The following CBX6 variants were observed in gnomAD, a reference collection of about 807,000 sequenced individuals.
CBX6 encodes the protein chromobox 6, also known as chromobox protein homolog 6.
A neutral mutation model predicts 28.4 loss-of-function variants in CBX6; 7 were observed. That is an observed-to-expected ratio of 0.25 (90% CI 0.14 to 0.46). The LOEUF (loss-of-function observed/expected upper bound fraction) is 0.46. CBX6 is among the 20% of genes least tolerant of loss of function. CBX6 has a pLI of 0.99. For missense variants in CBX6, 512 were observed against 606.1 expected, an observed-to-expected ratio of 0.84 and a Z score of 1.63; for synonymous variants, 297 against 273.4, an observed-to-expected ratio of 1.09 and a Z score of -0.85.
chr22:38,864,249 T>C lies in CBX6; in HGVS notation c.*1960A>G, dbSNP rs1057067624. 1 of 152,172 alleles carries C rather than the reference T, an allele frequency of 6.6e-6. No homozygotes were observed. The highest frequency in any genetic ancestry group is 2.4e-5 in the African/African-American group (1 of 41,440). The allele number at this position is 152,172 out of a possible 1,614,324, so 9.4% of individuals were successfully genotyped here. On this transcript the variant is annotated 3_prime_UTR_variant, in exon 5 of 5. Coordinates refer to ENST00000407418, the MANE Select transcript of CBX6 (RefSeq NM_014292.5). ...TTTTTTTTTTCCTCTTTTTTTGTTT[T>C]TGTTTTTTTGCAAAACTAATTCTTT... is the stretch of plus-strand genomic sequence containing the variant.
At position 38,862,527 on chromosome 22, in the gene CBX6, AAAAAAAAAAAAAAAAAAAG is replaced by A. The variant is rs1275870785; in HGVS notation, c.*3663_*3681del. On this transcript the variant is annotated 3_prime_UTR_variant, in exon 5 of 5. Transcript: ENST00000407418. ...CTGTGTGGGCGAAGTGCAAAAAAAA[AAAAAAAAAAAAAAAAAAAG>A]AAAGAAAGAAAAAAGAAAAACAAAA... is the stretch of plus-strand genomic sequence containing the variant. The A allele has an allele frequency of 6.8e-6, 1 of 146,440 alleles. No homozygotes were observed. Among genetic ancestry groups the A allele is most frequent in the African/African-American group, 2.5e-5 (1 of 40,300 alleles). The allele number at this position is 146,440 out of a possible 1,614,324, so 9.1% of individuals were successfully genotyped here.
rs774034476 is a variant in CBX6, at chr22:38,870,555, T to C, written c.246+925A>G. The C allele has an allele frequency of 1.3e-5, 2 of 152,222 alleles. No individual in the cohort carries two copies. Among genetic ancestry groups the C allele is most frequent in the Admixed American group, 6.5e-5 (1 of 15,284 alleles). The allele number at this position is 152,222 out of a possible 1,614,324, so 9.4% of individuals were successfully genotyped here. ...CGCTTGAGGGTGGGGGTTATAAAAA[T>C]ATGAAATTCTGGAAACCAACATTTC... On this transcript the variant is annotated intron_variant, in intron 4 of 4. Transcript: ENST00000407418. The surrounding 1 kb of genome is among the most constrained non-coding windows in gnomAD (Gnocchi z 4.3).
rs1808337978 is a variant in CBX6 at position 38,861,811 on chromosome 22, A to G, written c.*4398T>C. 6.6e-6 allele frequency: 1 copy of G among 152,224 alleles called. No individual in the cohort carries two copies. The highest frequency in any genetic ancestry group is 6.5e-5 in the Admixed American group (1 of 15,290). The allele number at this position is 152,224 out of a possible 1,614,324, so 9.4% of individuals were successfully genotyped here. On this transcript the variant is annotated 3_prime_UTR_variant, in exon 5 of 5. Coordinates refer to ENST00000407418, the MANE Select transcript of CBX6 (RefSeq NM_014292.5). ...GGAGCTGGATGGTTGAACCACATAC[A>G]AAGGCAACAACACTTCATTTTAAAA...
At position 38,871,376 on chromosome 22, in the gene CBX6, G is replaced by A. The variant is rs752158396; in HGVS notation, c.246+104C>T. 3.3e-6 allele frequency: 4 copies of A among 1,222,746 alleles called. No homozygotes were observed. Among genetic ancestry groups the A allele is most frequent in the East Asian group, 4.8e-5 (2 of 41,988 alleles). 75.7% of individuals were successfully genotyped at this position (1,222,746 alleles called of 1,614,324 possible). The stretch of plus-strand genomic sequence containing the variant: ...CAGCTGGGGCCCCTCTGAAAAGGCC[G>A]GCCCGCTTGGGCGGCCGCGTATCTG... On this transcript the variant is annotated intron_variant, in intron 4 of 4. Transcript: ENST00000407418. The surrounding 1 kb of genome is among the most constrained non-coding windows in gnomAD (Gnocchi z 5.6).
chr22:38,862,098 A>G lies in CBX6; in HGVS notation c.*4111T>C, dbSNP rs1287871330. ...CGGCCTCCCGCAAGAGGGTTCCCCC[A>G]TGAGACCGTTAGTCTCTCTTTGCCT... On this transcript the variant is annotated 3_prime_UTR_variant, in exon 5 of 5. Transcript: ENST00000407418. The G allele has an allele frequency of 6.6e-6, 1 of 152,264 alleles. No individual in the cohort carries two copies. Among genetic ancestry groups the G allele is most frequent in the Non-Finnish European group, 1.5e-5 (1 of 68,058 alleles). 9.4% of individuals were successfully genotyped at this position (152,264 alleles called of 1,614,324 possible).
intron 4 of CBX6, chr22:38,869,956 C>T (rs1341458174): frequency 6.6e-6 from 1 of 152,268 alleles, no homozygotes; most frequent in Non-Finnish European, 1.5e-5. Context: ...GTGTTCAGCC[C>T]AAGCTAATCT....
Position 38,872,029 on chromosome 22 carries a change from G to T in CBX6, c.70-84C>A. The T allele has an allele frequency of 7.2e-7, 1 of 1,393,552 alleles. No homozygotes were observed. 86.3% of individuals were successfully genotyped at this position (1,393,552 alleles called of 1,614,324 possible). ...GAGGCGGCGGCGCGGGGCTGGGCGA[G>T]GGAGCCGGGCTAGCGGGACCGCTTC... On this transcript the variant is annotated intron_variant, in intron 1 of 4. Coordinates refer to ENST00000407418, the MANE Select transcript of CBX6 (RefSeq NM_014292.5). This position sits in a 1 kb window ranked among gnomAD's most constrained non-coding sequence, Gnocchi z 5.0.
At position 38,871,428 on chromosome 22, in the gene CBX6, GC is replaced by G. The variant is rs1314750166; in HGVS notation, c.246+51del. 1.3e-6 allele frequency: 2 copies of G among 1,530,494 alleles called. No homozygotes were observed. The highest frequency in any genetic ancestry group is 2.8e-5 in the African/African-American group (2 of 72,434). 94.8% of individuals were successfully genotyped at this position (1,530,494 alleles called of 1,614,324 possible). A position where few individuals can be genotyped will look rare whatever the true frequency, so the allele number is the denominator to read the frequency against. On this transcript the variant is annotated intron_variant, in intron 4 of 4. Transcript: ENST00000407418. The surrounding 1 kb of genome is among the most constrained non-coding windows in gnomAD (Gnocchi z 5.6). ...CCCTCCCTTCCAGGCCCCGTGCTGT[GC>G]CGGGGCTGGGGGCCCGAGAGGGGGA... is the stretch of plus-strand genomic sequence containing the variant.
In CBX6 at chr22:38,866,348, T is replaced by C. The variant is rs1053718994; in HGVS notation, c.1100A>G (p.Asn367Ser). The part of the protein sequence containing the change: ...DWRPEMSPCS[N>S]VVVTDVTSNL... ...GCTGGTGACATCGGTGACGACCACA[T>C]TGGAGCAGGGTGACATCTCGGGGCG... The change falls in exon 5 of 5, where the codon AAT becomes AGT. Residue 367 changes from asparagine (N) to serine (S), a missense_variant. Asn to Ser is a conservative substitution (Grantham distance 46). This residue lies in a region of CBX6 where 10 missense variants were observed against 30.9 expected (regional missense o/e 0.32). Coordinates refer to ENST00000407418, the MANE Select transcript of CBX6 (RefSeq NM_014292.5). The surrounding 1 kb of genome is among the most constrained non-coding windows in gnomAD (Gnocchi z 7.5). 4.3e-6 allele frequency: 7 copies of C among 1,613,634 alleles called. No individual in the cohort carries two copies. The Admixed American group carries it at 5.0e-5, about 12-fold the overall frequency.
Position 38,871,271 on chromosome 22 carries a change from CA to C in CBX6, c.246+208del. 2 of 648,606 alleles carry C rather than the reference CA, an allele frequency of 3.1e-6. No homozygotes were observed. The highest frequency in any genetic ancestry group is 5.5e-6 in the Non-Finnish European group (2 of 365,144). 40.2% of individuals were successfully genotyped at this position (648,606 alleles called of 1,614,324 possible). A position where few individuals can be genotyped will look rare whatever the true frequency, so the allele number is the denominator to read the frequency against. ...CAACAGGGAGGATTATCCCCAGTCC[CA>C]AAACCCTCTTGTTGAAGCTGATGCT... is the stretch of plus-strand genomic sequence containing the variant. On this transcript the variant is annotated intron_variant, in intron 4 of 4. Transcript: ENST00000407418. The surrounding 1 kb of genome is among the most constrained non-coding windows in gnomAD (Gnocchi z 5.6).
Position 38,866,735 on chromosome 22 carries a change from G to C in CBX6, c.713C>G (p.Pro238Arg), listed in dbSNP as rs200121092. 2.6e-4 allele frequency: 422 copies of C among 1,596,714 alleles called. 2 individuals carry two copies. The highest frequency in any genetic ancestry group is 8.3e-5 in the Non-Finnish European group (97 of 1,171,808). The change falls in exon 5 of 5, where the codon CCG (proline) becomes CGG (arginine). Residue 238 changes from proline to arginine, a missense_variant. Pro to Arg is a moderately radical substitution (Grantham distance 103, BLOSUM62 -2). Coordinates refer to ENST00000407418, the MANE Select transcript of CBX6 (RefSeq NM_014292.5). This position sits in a 1 kb window ranked among gnomAD's most constrained non-coding sequence, Gnocchi z 7.5. Reference protein sequence around the residue: ...KFGAFALYKPPPAPLVAPSPG... With the variant: ...KFGAFALYKPRPAPLVAPSPG... ...GGACGGGGCTACCAGGGGGGCGGGC[G>C]GAGGCTTGTACAGCGCAAAGGCGCC...
chr22:38,866,041 C>T lies in CBX6; in HGVS notation c.*168G>A, dbSNP rs546096492. The T allele has an allele frequency of 5.1e-5, 32 of 629,192 alleles. No individual in the cohort carries two copies. Among genetic ancestry groups the T allele is most frequent in the Admixed American group, 3.3e-4 (11 of 33,650 alleles). The allele number at this position is 629,192 out of a possible 1,614,324, so 39.0% of individuals were successfully genotyped here. A position where few individuals can be genotyped will look rare whatever the true frequency, so the allele number is the denominator to read the frequency against. On this transcript the variant is annotated 3_prime_UTR_variant, in exon 5 of 5. Transcript: ENST00000407418. The surrounding 1 kb of genome is among the most constrained non-coding windows in gnomAD (Gnocchi z 7.5). ...CCCATTCCAGGGTGGCCCCTACCCCCGGCTTTCTGGGACCCCAACTACCCA... is the reference window on the plus strand; with the variant it reads ...CCCATTCCAGGGTGGCCCCTACCCCTGGCTTTCTGGGACCCCAACTACCCA...
rs1166936138 is a variant in CBX6 at position 38,866,140 on chromosome 22, G to A, written c.*69C>T. ...GGGAGAGAGGGCTGGGGGCAAGGGT[G>A]GGGTGGGAGCAAGAGTATGACTTCG... On this transcript the variant is annotated 3_prime_UTR_variant, in exon 5 of 5. Coordinates refer to ENST00000407418, the MANE Select transcript of CBX6 (RefSeq NM_014292.5). The surrounding 1 kb of genome is among the most constrained non-coding windows in gnomAD (Gnocchi z 7.5). 1.8e-6 allele frequency: 2 copies of A among 1,108,494 alleles called. No homozygotes were observed. The highest frequency in any genetic ancestry group is 1.6e-5 in the African/African-American group (1 of 64,434). The allele number at this position is 1,108,494 out of a possible 1,614,324, so 68.7% of individuals were successfully genotyped here.
At position 38,871,401 on chromosome 22, in the gene CBX6, G is replaced by C. The variant is rs182312705; in HGVS notation, c.246+79C>G. ...GGCCCGCTTGGGCGGCCGCGTATCT[G>C]TCCCTCCCTTCCAGGCCCCGTGCTG... On this transcript the variant is annotated intron_variant, in intron 4 of 4. Transcript: ENST00000407418. This position sits in a 1 kb window ranked among gnomAD's most constrained non-coding sequence, Gnocchi z 5.6. 32 of 1,426,966 alleles carry C rather than the reference G, an allele frequency of 2.2e-5. No individual in the cohort carries two copies. The African/African-American group carries it at 3.0e-4, about 13-fold the overall frequency. 88.4% of individuals were successfully genotyped at this position (1,426,966 alleles called of 1,614,324 possible).
Position 38,867,111 on chromosome 22 carries a change from T to G in CBX6, c.337A>C (p.Ser113Arg). ...TTCTTGAGCCGGTGCACGGCTGCGC[T>G]GGAGTGCAGCTTGGGCGAGGAGGCA... is the stretch of plus-strand genomic sequence containing the variant. Reference protein sequence around the residue: ...ASASSPKLHSSAAVHRLKKDI... With the variant: ...ASASSPKLHSRAAVHRLKKDI... The change falls in exon 5 of 5, where the codon AGC becomes CGC. Residue 113 changes from serine (S) to arginine (R), a missense_variant. This residue lies in a region of CBX6 where 123 missense variants were observed against 138.1 expected (regional missense o/e 0.89). Coordinates refer to ENST00000407418, the MANE Select transcript of CBX6 (RefSeq NM_014292.5). The G allele has an allele frequency of 6.3e-7, 1 of 1,590,884 alleles. No homozygotes were observed. The highest frequency in any genetic ancestry group is 8.5e-7 in the Non-Finnish European group (1 of 1,171,396).
In CBX6 at chr22:38,866,245, G is replaced by A. The variant is rs372235186; in HGVS notation, c.1203C>T (p.Ala401=). Residue 401 remains alanine, a synonymous_variant, in exon 5 of 5, where the codon GCC becomes GCT. Transcript: ENST00000407418. The surrounding 1 kb of genome is among the most constrained non-coding windows in gnomAD (Gnocchi z 7.5). ...CCCCAATGCTGCCACCGCCCCCAGC[G>A]GCGCCTGCTACCCCAGCAGCCACCT... ...FEKVAAGVAG[A]AGGGGSIGAS... The A allele has an allele frequency of 3.7e-6, 6 of 1,612,856 alleles. No homozygotes were observed. Among genetic ancestry groups the A allele is most frequent in the South Asian group, 1.1e-5 (1 of 90,992 alleles).
chr22:38,867,013 T>A lies in CBX6; in HGVS notation c.435A>T (p.Gly145=). 1 of 1,605,748 alleles carries A rather than the reference T, an allele frequency of 6.2e-7. No homozygotes were observed. Among genetic ancestry groups the A allele is most frequent in the Non-Finnish European group, 8.5e-7 (1 of 1,177,410 alleles). The stretch of plus-strand genomic sequence containing the variant: ...AGAAGGGCGAAATGGGCGGGCGCAG[T>A]CCGGGGCTGCCCCCCTGCGGGTCCG... ...PRPDPQGGSP[G]LRPPISPFSE... The change falls in exon 5 of 5, where the codon GGA becomes GGT. Residue 145 remains glycine, a synonymous_variant. Coordinates refer to ENST00000407418, the MANE Select transcript of CBX6 (RefSeq NM_014292.5).
Position 38,867,205 on chromosome 22 carries a change from C to A in CBX6, c.247-4G>T, listed in dbSNP as rs764479605. ...GGGCCTCGGCCTGGGCCCGCGCCTG[C>A]GGGCAGAGGGAGGGGTGGGTGGGAC... On this transcript the variant is annotated splice_polypyrimidine_tract_variant and splice_region_variant and intron_variant, in intron 4 of 4. Transcript: ENST00000407418. The A allele has an allele frequency of 2.3e-5, 9 of 389,692 alleles. No individual in the cohort carries two copies. Among genetic ancestry groups the A allele is most frequent in the Non-Finnish European group, 5.1e-6 (1 of 196,832 alleles). The allele number at this position is 389,692 out of a possible 1,614,324, so 24.1% of individuals were successfully genotyped here.
At position 38,866,449 on chromosome 22, in the gene CBX6, T is replaced by C; in HGVS notation, c.999A>G (p.Thr333=). The C allele has an allele frequency of 1.9e-6, 3 of 1,608,154 alleles. No homozygotes were observed. Among genetic ancestry groups the C allele is most frequent in the Non-Finnish European group, 2.5e-6 (3 of 1,178,882 alleles). ...TGGGAGGTGCCGGGCCGGCAGCAGC[T>C]GTGACCTCAGGCGGTGCCCGCTTGC... The part of the protein sequence containing the change: ...ATSKRAPPEV[T]AAAGPAPPTA... The change falls in exon 5 of 5, where the codon ACA becomes ACG. Residue 333 remains threonine (T), a synonymous_variant. Transcript: ENST00000407418. This position sits in a 1 kb window ranked among gnomAD's most constrained non-coding sequence, Gnocchi z 7.5.
Sources: gnomAD v4.1 joint callset for allele counts on GRCh38, gnomAD v4.1.1 for gene constraint, gnomAD v4.1.1 regional missense constraint, Gnocchi (gnomAD v3.1) non-coding constraint, MANE v1.5 for transcripts, NCBI Gene and HGNC (gene_info 2026-07-23, HGNC 2026-07-21) for gene names.